JAG2: variants seen among roughly 807,000 people sequenced by gnomAD.
JAG2 encodes jagged canonical Notch ligand 2.
A neutral mutation model predicts 141.7 loss-of-function variants in JAG2; 46 were observed. The ratio of observed to expected loss-of-function variants is 0.32; its 90% CI spans 0.26 to 0.42. The LOEUF (loss-of-function observed/expected upper bound fraction) is 0.42. Among genes scored for constraint, JAG2 ranks in the 10% least tolerant of loss-of-function variants. The pLI is 1.00. For missense variants in JAG2, 1,500 were observed against 1,817.5 expected (o/e 0.83, Z 3.18); for synonymous variants, 862 against 763.5 (o/e 1.13, Z -2.13).
Position 105,152,045 on chromosome 14 carries a change from C to T in JAG2, c.932G>A (p.Cys311Tyr). 6.2e-7 allele frequency: 1 copy of T among 1,613,264 alleles called. No individual in the cohort carries two copies. The highest frequency in any genetic ancestry group is 8.5e-7 in the Non-Finnish European group (1 of 1,179,936). Residue 311 changes from cysteine (C) to tyrosine (Y), a missense_variant, in exon 7 of 26, where the codon TGT becomes TAT. By Grantham distance (194) the Cys-to-Tyr change is radical (BLOSUM62 -2). Coordinates refer to ENST00000331782, the MANE Select transcript of JAG2 (RefSeq NM_002226.5). ...GTTGGTGCAGGGGTGGTGGCTGCCA[C>T]AGTAGTTCAGGTCTGGGGGCAGGGG... ...GLLCDKDLNY[C>Y]GSHHPCTNGG...
chr14:105,148,116 C>T lies in JAG2; in HGVS notation c.2248G>A (p.Ala750Thr), dbSNP rs1207872653. The change falls in exon 17 of 26, where the codon GCC (alanine) becomes ACC (threonine). Residue 750 changes from alanine to threonine, a missense_variant and splice_region_variant. This residue lies in a region of JAG2 where 875 missense variants were observed against 1,202.2 expected (regional missense o/e 0.73). Coordinates refer to ENST00000331782, the MANE Select transcript of JAG2 (RefSeq NM_002226.5). The part of the protein sequence containing the change: ...PGWKGSTCAV[A>T]KNSSCLPNPC... Reference sequence around the variant, plus strand: ...CGCAGAGGCAGCGGGGGCTCCTCACCGACGGCGCAGGTGCTGCCCTTCCAG... The same window carrying T: ...CGCAGAGGCAGCGGGGGCTCCTCACTGACGGCGCAGGTGCTGCCCTTCCAG... 4.5e-6 allele frequency: 7 copies of T among 1,546,272 alleles called. No individual in the cohort carries two copies. Among genetic ancestry groups the T allele is most frequent in the South Asian group, 1.2e-5 (1 of 83,896 alleles).
chr14:105,166,625 G>A (rs182081334), intron 2 of JAG2, among the ~76,000 whole-genome samples: 6 of 152,324 alleles, frequency 3.9e-5, no homozygotes, highest in Admixed American at 3.9e-4. Flanking sequence ...GGGGCAGCAG[G>A]CAAGGCTGCC....
chr14:105,153,835 G>A (rs1403224362), intron 5 of JAG2, among the ~76,000 whole-genome samples: 4 of 152,206 alleles, frequency 2.6e-5, no homozygotes, highest in Non-Finnish European at 5.9e-5. Flanking sequence ...CCAGCCAGCA[G>A]CCATCCAGGG....
intron 22 of JAG2, 145 bp from the exon 23 acceptor site, chr14:105,146,118 C>G (rs1395612239): frequency 7.3e-7 from 1 of 1,377,770 alleles, no homozygotes; most frequent in African/African-American, 1.4e-5. Context: ...CCCAGCCCAC[C>G]CCCTACCCAG....
rs370735168 is a variant in JAG2, at chr14:105,146,371, C to G, written c.2709+14G>C. The G allele has an allele frequency of 7.5e-6, 12 of 1,603,502 alleles. No homozygotes were observed. In the South Asian group the frequency reaches 1.2e-4, roughly 16 times the overall value. ...GCCTCGGGTAGGGCAGGGCGGCTCA[C>G]GGGCTGCCCTCACCTTGCTGCAGTC... On this transcript the variant is annotated intron_variant, in intron 22 of 25. Transcript: ENST00000331782.
At chr14:105,155,665 G>C (rs587727167) in intron 4 of JAG2, 43 bp from the exon 5 acceptor site, 1 of 1,612,380 alleles carries the variant, frequency 6.2e-7, no homozygotes. Flanking sequence ...CAGCCAGCCT[G>C]GCCGCAAGGC....
Position 105,155,925 on chromosome 14 carries a change from G to A in JAG2, c.540C>T (p.Ser180=). 1 of 1,611,812 alleles carries A rather than the reference G, an allele frequency of 6.2e-7. No homozygotes were observed. The highest frequency in any genetic ancestry group is 8.5e-7 in the Non-Finnish European group (1 of 1,179,830). The change falls in exon 4 of 26, where the codon AGC becomes AGT. Residue 180 remains serine (S), a synonymous_variant. Coordinates refer to ENST00000331782, the MANE Select transcript of JAG2 (RefSeq NM_002226.5). The stretch of plus-strand genomic sequence containing the variant: ...GCGCCACGTGGCCGCTGAAGTGCAG[G>A]CTCTTCCAGCGGTCCTCCGGGTTGA... ...GMINPEDRWK[S]LHFSGHVAHL...
chr14:105,163,168 G>A (rs1457749852), intron 2 of JAG2, among the ~76,000 whole-genome samples: 1 of 152,228 alleles, frequency 6.6e-6, no homozygotes, highest in African/African-American at 2.4e-5. Context: ...GCAGGCGCCA[G>A]GAGCTCCAAG....
rs587717161 is a variant in JAG2 at position 105,150,682 on chromosome 14, G to A, written c.1524C>T (p.His508=). 3.2e-6 allele frequency: 5 copies of A among 1,552,842 alleles called. No homozygotes were observed. The highest frequency in any genetic ancestry group is 1.4e-5 in the African/African-American group (1 of 73,250). Residue 508 remains histidine, a synonymous_variant, in exon 12 of 26, where the codon CAC becomes CAT. Coordinates refer to ENST00000331782, the MANE Select transcript of JAG2 (RefSeq NM_002226.5). ...ERDECASSPC[H]SGGLCEDLAD... is the part of the protein sequence containing the mutation. ...CCAGGTCCTCGCAGAGGCCGCCGCT[G>A]TGGCAGGGGCTGCTGGCACACTCGT...
chr14:105,157,563 TG>T, intron 3 of JAG2, 142 bp downstream of exon 3: 1 of 827,710 alleles, frequency 1.2e-6, no homozygotes, highest in South Asian at 1.4e-5. Context: ...CAGAGCTTCC[TG>T]GCAGCCAAAG....
intron 1 of JAG2, 73 bp downstream of exon 1, chr14:105,168,282 T>C: frequency 4.3e-6 from 3 of 693,452 alleles, no homozygotes; most frequent in Non-Finnish European, 5.3e-6. Context: ...CCCCAGGCAG[T>C]GCCCGCCCGG....
chr14:105,143,697 G>T, intron 24 of JAG2, 59 bp from the exon 25 acceptor site: 3 of 1,585,730 alleles, frequency 1.9e-6, no homozygotes, highest in Non-Finnish European at 2.6e-6. Context: ...CCAGCAGCCT[G>T]CCCCCAACAC....
At chr14:105,163,526 G>T (rs1280364316) in intron 2 of JAG2, among the ~76,000 whole-genome samples, 1 of 152,140 alleles carries the variant, frequency 6.6e-6, no homozygotes, top group Non-Finnish European at 1.5e-5. Flanking sequence ...CTCAGGCCTG[G>T]GATGTGGGGA....
At position 105,151,716 on chromosome 14, in the gene JAG2, G is replaced by A. The variant is rs992002678; in HGVS notation, c.1063C>T (p.Pro355Ser). The change falls in exon 8 of 26, where the codon CCG (proline) becomes TCG (serine). Residue 355 changes from proline to serine, a missense_variant. Physicochemically the swap from Pro to Ser is moderately conservative, Grantham distance 74. Around this residue, in one of 3 missense-constraint regions of JAG2, gnomAD observed 875 missense variants for 1,202.2 expected, o/e 0.73. Transcript: ENST00000331782. The part of the protein sequence containing the change: ...EKAEHACTSN[P>S]CANGGSCHEV... ...TGGCAAGAGCCCCCGTTGGCACACG[G>A]GTTGGAGGTGCAGGCGTGCTCAGCT... The A allele has an allele frequency of 1.2e-6, 2 of 1,610,786 alleles. No homozygotes were observed. The highest frequency in any genetic ancestry group is 1.7e-6 in the Non-Finnish European group (2 of 1,179,184).
At chr14:105,143,905 G>A (rs1456410809) in intron 24 of JAG2, among the ~76,000 whole-genome samples, 1 of 150,740 alleles carries the variant, frequency 6.6e-6, no homozygotes, top group Non-Finnish European at 1.5e-5. Context: ...GCAGCGAGCA[G>A]TGGGGGGAAG....
intron 15 of JAG2, 103 bp downstream of exon 15, chr14:105,148,642 G>T: frequency 1.8e-6 from 2 of 1,126,410 alleles, no homozygotes; most frequent in South Asian, 1.4e-5. Context: ...AGGCCTTTCT[G>T]GGTACGGGGC....
intron 22 of JAG2, 67 bp from the exon 23 acceptor site, chr14:105,146,040 G>A (rs981143415): frequency 3.2e-6 from 5 of 1,558,040 alleles, no homozygotes; most frequent in African/African-American, 1.4e-5. Context: ...GCACACAGAT[G>A]AGAACCCACA....
chr14:105,147,370 C>T lies in JAG2; in HGVS notation c.2435G>A (p.Arg812His), dbSNP rs775717962. The change falls in exon 20 of 26, where the codon CGC (arginine) becomes CAC (histidine). Residue 812 changes from arginine to histidine, a missense_variant. Physicochemically the swap from Arg to His is conservative, Grantham distance 29. Coordinates refer to ENST00000331782, the MANE Select transcript of JAG2 (RefSeq NM_002226.5). ...GICVDGVNWF[R>H]CECAPGFAGP... is the part of the protein sequence containing the mutation. Reference sequence around the variant, plus strand: ...CGCGAAGCCAGGTGCACACTCGCAGCGGAACCAGTTGACGCCGTCAACACA... The same window carrying T: ...CGCGAAGCCAGGTGCACACTCGCAGTGGAACCAGTTGACGCCGTCAACACA... 10 of 1,590,846 alleles carry T rather than the reference C, an allele frequency of 6.3e-6. No individual in the cohort carries two copies. The highest frequency in any genetic ancestry group is 1.8e-5 in the Admixed American group (1 of 56,918).
intron 2 of JAG2, among the ~76,000 whole-genome samples, chr14:105,162,007 C>T (rs587762772): frequency 3.3e-5 from 5 of 152,304 alleles, no homozygotes; most frequent in East Asian, 3.9e-4. Context: ...CGGGGGTTGG[C>T]GGGCATGTTG....
Sources: gnomAD v4.1 joint callset for allele counts (sites outside exome capture counted in the v4.1 genomes callset) on GRCh38, gnomAD v4.1.1 for gene constraint, gnomAD v4.1.1 regional missense constraint, MANE v1.5 for transcripts, NCBI Gene and HGNC (gene_info 2026-07-23, HGNC 2026-07-21) for gene names.